Variants in DCDC2 observed in about 807,000 individuals in gnomAD.
The protein encoded by DCDC2 is doublecortin domain-containing protein 2.
A neutral mutation model predicts 50.2 loss-of-function variants in DCDC2; 40 were observed. The observed-to-expected ratio is 0.80, with a 90% CI of 0.62 to 1.04. DCDC2 has a LOEUF of 1.04. Among genes scored for constraint, DCDC2 ranks in the 50% least tolerant of loss-of-function variants. The pLI is 0.00. For synonymous variants in DCDC2, 234 were observed against 210.6 expected, an observed-to-expected ratio of 1.11 and a Z score of -0.96; for missense variants, 570 against 581.9, an observed-to-expected ratio of 0.98 and a Z score of 0.21.
chr6:24,196,120 G>C (rs1421222736), intron 8 of DCDC2, among the ~76,000 whole-genome samples: 1 of 152,136 alleles, frequency 6.6e-6, no homozygotes, highest in Non-Finnish European at 1.5e-5. Flanking sequence ...GCCTTAGAGA[G>C]AGTGTATTTA....
intron 7 of DCDC2, among the ~76,000 whole-genome samples, chr6:24,217,402 C>T (rs1762007277): frequency 6.6e-6 from 1 of 152,216 alleles, no homozygotes. Context: ...CTTTCAACTA[C>T]TACCAATAAT....
intron 5 of DCDC2, among the ~76,000 whole-genome samples, chr6:24,290,252 C>CA (rs1176339051): frequency 2.0e-5 from 3 of 151,962 alleles, no homozygotes; most frequent in African/African-American, 7.2e-5. Context: ...CTCGGCCTCC[C>CA]AGAGTGCTGG....
At chr6:24,304,430 C>A (rs984411951) in intron 2 of DCDC2, among the ~76,000 whole-genome samples, 1 of 152,176 alleles carries the variant, frequency 6.6e-6, no homozygotes, top group African/African-American at 2.4e-5. Flanking sequence ...TTGCAATGAT[C>A]TGAGATGGCA....
chr6:24,302,143 C>T, intron 2 of DCDC2, 99 bp from the exon 3 acceptor site: 1 of 984,760 alleles, frequency 1.0e-6, no homozygotes, highest in Non-Finnish European at 1.5e-6. Flanking sequence ...CTGCCTGAGA[C>T]TTCCTGTGCC....
At chr6:24,231,096 TC>T (rs1762328482) in intron 7 of DCDC2, among the ~76,000 whole-genome samples, 1 of 152,194 alleles carries the variant, frequency 6.6e-6, no homozygotes, top group Admixed American at 6.5e-5. Flanking sequence ...CAGGCAGAAT[TC>T]CAAATGCAGA....
chr6:24,229,183 C>A (rs1762290842), intron 7 of DCDC2, among the ~76,000 whole-genome samples: 2 of 152,296 alleles, frequency 1.3e-5, no homozygotes, highest in African/African-American at 4.8e-5. Context: ...TCTCACTGGG[C>A]TAAAATCAAG....
chr6:24,238,722 A>T (rs78371019), intron 7 of DCDC2, among the ~76,000 whole-genome samples: 3,440 of 152,298 alleles, frequency 0.023, 106 homozygotes, highest in African/African-American at 0.074. Context: ...ATGAGCATCA[A>T]TATCTGTCTT....
intron 7 of DCDC2, among the ~76,000 whole-genome samples, chr6:24,262,953 T>A (rs1763044501): frequency 6.6e-6 from 1 of 152,186 alleles, no homozygotes; most frequent in Admixed American, 6.5e-5. Flanking sequence ...TCTGATCCAG[T>A]GCAGTCCCAG....
intron 7 of DCDC2, among the ~76,000 whole-genome samples, chr6:24,268,643 C>T (rs1377476218): frequency 6.6e-6 from 1 of 152,142 alleles, no homozygotes; most frequent in Non-Finnish European, 1.5e-5. Context: ...GCAATCTCAG[C>T]TCACTGCAAC....
chr6:24,326,193 GAAAGGAAGGAAGGAAAGAAT>G (rs1247446956), intron 2 of DCDC2, among the ~76,000 whole-genome samples: 15 of 144,336 alleles, frequency 1.0e-4, no homozygotes, highest in Admixed American at 9.8e-4. Context: ...AAGGAAGGAA[GAAAGGAAGGAAGGAAAGAAT>G]GAAGGAAGGA....
At chr6:24,361,161 A>G (rs1157621318), upstream of DCDC2, among the ~76,000 whole-genome samples, 1 of 152,206 alleles carries the variant, frequency 6.6e-6, no homozygotes, top group Non-Finnish European at 1.5e-5. Flanking sequence ...AACAGTTTTC[A>G]AACGCAGGAA....
At chr6:24,226,936 G>A (rs77154087) in intron 7 of DCDC2, among the ~76,000 whole-genome samples, 5,288 of 152,218 alleles carry the variant, frequency 0.035, 199 homozygotes, top group African/African-American at 0.099. Context: ...TCACATACTC[G>A]GGAGGCAGCC....
chr6:24,256,494 T>C (rs1221211055), intron 7 of DCDC2, among the ~76,000 whole-genome samples: 1 of 152,134 alleles, frequency 6.6e-6, no homozygotes, highest in East Asian at 1.9e-4. Context: ...TGTGCCCCTG[T>C]TGCGTGTGTG....
chr6:24,198,668 C>T (rs1761505049), intron 8 of DCDC2, among the ~76,000 whole-genome samples: 1 of 152,058 alleles, frequency 6.6e-6, no homozygotes, highest in Non-Finnish European at 1.5e-5. Context: ...ACCGTTCACT[C>T]CCCTGGAAAG....
intron 7 of DCDC2, among the ~76,000 whole-genome samples, chr6:24,231,253 G>A (rs754736724): frequency 1.4e-4 from 22 of 152,188 alleles, no homozygotes; most frequent in African/African-American, 5.1e-4. Flanking sequence ...GAATGTTCAC[G>A]CCCTGAGAGC....
At chr6:24,243,123 G>C (rs1762600492) in intron 7 of DCDC2, among the ~76,000 whole-genome samples, 2 of 152,176 alleles carry the variant, frequency 1.3e-5, no homozygotes, top group Non-Finnish European at 2.9e-5. Context: ...AAACAGAAGA[G>C]AAAAATTTAA....
At chr6:24,218,105 C>G (rs115116117) in intron 7 of DCDC2, among the ~76,000 whole-genome samples, 9 of 152,144 alleles carry the variant, frequency 5.9e-5, no homozygotes, top group Non-Finnish European at 8.8e-5. Flanking sequence ...GCAATTGACA[C>G]AAACACAACT....
chr6:24,305,613 T>G (rs1160209969), intron 2 of DCDC2, among the ~76,000 whole-genome samples: 3 of 152,196 alleles, frequency 2.0e-5, no homozygotes, highest in Non-Finnish European at 4.4e-5. Context: ...AAAGGGTTGG[T>G]CAGTTGGTGG....
intron 2 of DCDC2, among the ~76,000 whole-genome samples, chr6:24,344,434 TA>T (rs1760219721): frequency 6.6e-6 from 1 of 152,212 alleles, no homozygotes; most frequent in Non-Finnish European, 1.5e-5. Flanking sequence ...CTTATCACTA[TA>T]AATAAAAAAC....
Sources: gnomAD v4.1 joint callset for allele counts (sites outside exome capture counted in the v4.1 genomes callset) on GRCh38, gnomAD v4.1.1 for gene constraint, MANE v1.5 for transcripts, NCBI Gene and HGNC (gene_info 2026-07-23, HGNC 2026-07-21) for gene names.